Variants in FANCA observed in about 807,000 individuals in gnomAD.
FANCA encodes FA complementation group A.
Under a neutral mutation model 194.3 loss-of-function variants are expected in FANCA, and 236 were observed. The ratio of observed to expected loss-of-function variants is 1.21; its 90% CI spans 1.09 to 1.35. The LOEUF (loss-of-function observed/expected upper bound fraction) is 1.35. Among genes scored for constraint, FANCA ranks in the 40% most tolerant of loss-of-function variants. The pLI, the probability that FANCA is intolerant of heterozygous loss-of-function variation, is 0.00. For synonymous variants in FANCA, 1,014 were observed against 715.8 expected (o/e 1.42, Z -6.65); for missense variants, 2,628 against 1,813.9 (o/e 1.45, Z -8.15).
intron 14 of FANCA, among the ~76,000 whole-genome samples, chr16:89,790,695 G>A (rs1044798565): frequency 6.6e-6 from 1 of 151,112 alleles, no homozygotes; most frequent in African/African-American, 2.4e-5. Flanking sequence ...TGAGCTTTCT[G>A]TACCACTGCA....
At chr16:89,806,878 C>T (rs541234098) in intron 6 of FANCA, among the ~76,000 whole-genome samples, 169 of 152,274 alleles carry the variant, frequency 1.1e-3, no homozygotes, top group Non-Finnish European at 1.2e-3. Flanking sequence ...ACCTCCCAGA[C>T]GGGGTGGTGG....
chr16:89,786,015 A>T (rs1206427571), intron 14 of FANCA, among the ~76,000 whole-genome samples: 39 of 104,074 alleles, frequency 3.7e-4, no homozygotes, highest in South Asian at 6.6e-4. Context: ...ACTCCCAGCT[A>T]TTTTTTTTTT....
intron 39 of FANCA, 144 bp from the exon 40 acceptor site, chr16:89,739,697 C>T: frequency 6.6e-7 from 1 of 1,512,854 alleles, no homozygotes; most frequent in Non-Finnish European, 8.9e-7. Flanking sequence ...GCTGAGGATA[C>T]CCAGGTACCT....
intron 11 of FANCA, among the ~76,000 whole-genome samples, chr16:89,795,353 G>A (rs1311673771): frequency 6.6e-6 from 1 of 151,724 alleles, no homozygotes; most frequent in East Asian, 1.9e-4. Context: ...TTTACGCTGG[G>A]TGCGGTGGCT....
At chr16:89,739,784 T>C (rs577860270) in intron 39 of FANCA, 1 of 1,469,104 alleles carries the variant, frequency 6.8e-7, no homozygotes. Flanking sequence ...GCAGTCCCCA[T>C]GATAGGCCCA....
intron 17 of FANCA, 75 bp from the exon 18 acceptor site, chr16:89,780,032 T>A: frequency 7.7e-7 from 1 of 1,299,120 alleles, no homozygotes; most frequent in Non-Finnish European, 1.1e-6. Context: ...AAGGCCACAC[T>A]CAACCTGTGC....
chr16:89,765,001 G>A lies in FANCA; in HGVS notation c.2667C>T (p.Ala889=), dbSNP rs771425634. 10 of 1,614,118 alleles carry A rather than the reference G, an allele frequency of 6.2e-6. No individual in the cohort carries two copies. The Admixed American group carries it at 1.0e-4, about 16-fold the overall frequency. Residue 889 remains alanine (A), a synonymous_variant, in exon 28 of 43, where the codon GCC becomes GCT. Transcript: ENST00000389301. ...GGTGCAAGGGTCTCCAGGAAAGGCTGGCTACGTCCTCCTCAGAAAGAGGCT... is the reference window on the plus strand; with the variant it reads ...GGTGCAAGGGTCTCCAGGAAAGGCTAGCTACGTCCTCCTCAGAAAGAGGCT... The part of the protein sequence containing the change: ...ARQPLSEEDV[A]SLSWRPLHLP...
chr16:89,752,049 C>G (rs563382173), intron 31 of FANCA, 89 bp downstream of exon 31: 18 of 1,163,012 alleles, frequency 1.5e-5, no homozygotes, highest in East Asian at 2.3e-5. Context: ...GGATTACAGG[C>G]GTGAGCCACC....
chr16:89,793,686 T>C (rs1366118435), intron 11 of FANCA, among the ~76,000 whole-genome samples: 1 of 151,820 alleles, frequency 6.6e-6, no homozygotes, highest in Non-Finnish European at 1.5e-5. Flanking sequence ...GCTCAAGCAA[T>C]CCACCTGCCT....
At chr16:89,742,179 G>A (rs2062149623) in intron 37 of FANCA, among the ~76,000 whole-genome samples, 1 of 151,986 alleles carries the variant, frequency 6.6e-6, no homozygotes, top group Non-Finnish European at 1.5e-5. Context: ...GTTTCACCAT[G>A]TTGCCCAAGC....
intron 14 of FANCA, among the ~76,000 whole-genome samples, chr16:89,788,644 T>C (rs1366134084): frequency 6.6e-6 from 1 of 151,926 alleles, no homozygotes; most frequent in Non-Finnish European, 1.5e-5. Flanking sequence ...AAAAAAATTT[T>C]TTTTAATTAG....
intron 31 of FANCA, 72 bp downstream of exon 31, chr16:89,752,066 G>C: frequency 3.6e-6 from 5 of 1,386,550 alleles, no homozygotes; most frequent in Non-Finnish European, 5.1e-6. Flanking sequence ...CACCGCGCCT[G>C]GCAATAAATA....
At chr16:89,782,548 G>A (rs2039755869) in intron 17 of FANCA, among the ~76,000 whole-genome samples, 1 of 151,494 alleles carries the variant, frequency 6.6e-6, no homozygotes, top group Non-Finnish European at 1.5e-5. Context: ...CTGTGATTCA[G>A]AGAAAAACAT....
chr16:89,798,598 C>T (rs1182993031), intron 10 of FANCA: 6 of 1,152,414 alleles, frequency 5.2e-6, no homozygotes, highest in South Asian at 3.0e-5. Context: ...CACCAAACCC[C>T]GATGTCCACC....
intron 15 of FANCA, among the ~76,000 whole-genome samples, chr16:89,784,294 C>T (rs1466083075): frequency 2.0e-5 from 3 of 151,652 alleles, no homozygotes; most frequent in South Asian, 2.1e-4. Context: ...ACTGCTTGAC[C>T]TGGGAGGTCT....
chr16:89,782,726 C>G, intron 17 of FANCA, 133 bp downstream of exon 17: 1 of 773,164 alleles, frequency 1.3e-6, no homozygotes, highest in Non-Finnish European at 2.2e-6. Context: ...AGCCTCGCCC[C>G]CAGCTGCGCC....
rs75004096 is a variant in FANCA at position 89,758,572 on chromosome 16, C to CT, written c.2981+4dup. 135 of 1,613,310 alleles carry CT rather than the reference C, an allele frequency of 8.4e-5. No individual in the cohort carries two copies. The East Asian group carries it at 2.6e-3, about 31-fold the overall frequency. On this transcript the variant is annotated splice_donor_region_variant and intron_variant, in intron 30 of 42. Coordinates refer to ENST00000389301, the MANE Select transcript of FANCA (RefSeq NM_000135.4). ...GAGAACCCTAATACAGTGTGTGCTG[C>CT]TAACCTTTGGTGGAAATCCATCAGT... is the stretch of plus-strand genomic sequence containing the variant.
At chr16:89,782,707 G>C in intron 17 of FANCA, 152 bp downstream of exon 17, 3 of 690,866 alleles carry the variant, frequency 4.3e-6, no homozygotes, top group South Asian at 3.1e-5. Context: ...GCAACACAGA[G>C]GCCCGCAGAG....
intron 15 of FANCA, 151 bp from the exon 16 acceptor site, chr16:89,783,253 G>C (rs1166229069): frequency 1.4e-6 from 1 of 711,210 alleles, no homozygotes; most frequent in South Asian, 1.5e-5. Flanking sequence ...CAAACCATTA[G>C]TAAAATTAAA....
Sources: allele counts gnomAD v4.1 joint callset (sites outside exome capture counted in the v4.1 genomes callset), GRCh38; gene constraint gnomAD v4.1.1; transcripts MANE v1.5; gene names NCBI Gene and HGNC (gene_info 2026-07-23, HGNC 2026-07-21).